Variants in ZNF578 observed in about 807,000 individuals in gnomAD.
ZNF578 encodes the protein zinc finger protein 578, also known as Putative chemokine-related protein B42.
ZNF578 carries 8 observed loss-of-function variants against 8.3 expected under a neutral mutation model. The ratio of observed to expected loss-of-function variants is 0.96; its 90% CI spans 0.56 to 1.74. The LOEUF (loss-of-function observed/expected upper bound fraction) is 1.74, where lower values mean the gene tolerates loss of function less well. ZNF578 is among the 40% of genes most tolerant of loss of function. The pLI is 0.00. For missense variants in ZNF578, 726 were observed against 707.5 expected (o/e 1.03, Z -0.30); for synonymous variants, 206 against 232.2 (o/e 0.89, Z 1.03).
rs1048107140 is a variant in ZNF578, at chr19:52,513,597, G to A, written c.*1443G>A. 6.6e-6 allele frequency among the ~76,000 whole-genome samples: 1 copy of A among 151,842 alleles called. No homozygotes were observed. Among genetic ancestry groups the A allele is most frequent in the African/African-American group, 2.4e-5 (1 of 41,362 alleles). ...TACAAAAACTTAGCCGGGCATGGTG[G>A]TGGGCACCTGTAGTCTCAGCTACTC... On this transcript the variant is annotated 3_prime_UTR_variant, in exon 6 of 6. Coordinates refer to ENST00000421239, the MANE Select transcript of ZNF578 (RefSeq NM_001099694.2).
chr19:52,499,950 G>C (rs1481484046), intron 3 of ZNF578, among the ~76,000 whole-genome samples: 1 of 152,062 alleles, frequency 6.6e-6, no homozygotes, highest in Non-Finnish European at 1.5e-5. Flanking sequence ...CTCTTCCACT[G>C]TTCCAGCCCC....
At position 52,510,647 on chromosome 19, in the gene ZNF578, T is replaced by C. The variant is rs778757244; in HGVS notation, c.266T>C (p.Met89Thr). 1.2e-6 allele frequency: 2 copies of C among 1,610,582 alleles called. No homozygotes were observed. Among genetic ancestry groups the C allele is most frequent in the African/African-American group, 2.7e-5 (2 of 74,720 alleles). ...AATACAGAAGTGATCCACACAGGGA[T>C]GTTGCAAAGACATGAAAGTTATCAC... ...QGNTEVIHTGMLQRHESYHTG... is the reference protein window; with the variant it reads ...QGNTEVIHTGTLQRHESYHTG... The change falls in exon 6 of 6, where the codon ATG (methionine) becomes ACG (threonine). Residue 89 changes from methionine (M) to threonine (T), a missense_variant. Physicochemically the swap from Met to Thr is moderately conservative, Grantham distance 81. Transcript: ENST00000421239.
chr19:52,474,480 C>T (rs555405839), intron 2 of ZNF578: 2 of 317,094 alleles, frequency 6.3e-6, no homozygotes, highest in South Asian at 6.2e-5. Flanking sequence ...TGTAAGGCTT[C>T]TCTCCAGTAT....
At chr19:52,499,632 A>T (rs2059399335) in intron 3 of ZNF578, among the ~76,000 whole-genome samples, 1 of 152,074 alleles carries the variant, frequency 6.6e-6, no homozygotes, top group Admixed American at 6.6e-5. Context: ...TTTATAATAC[A>T]TAGAGAAACG....
chr19:52,460,056 G>A (rs2122764437), intron 2 of ZNF578, among the ~76,000 whole-genome samples: 1 of 151,200 alleles, frequency 6.6e-6, no homozygotes, highest in Non-Finnish European at 1.5e-5. Flanking sequence ...TAGCCACCGT[G>A]CCTGGCCAGA....
intron 2 of ZNF578, among the ~76,000 whole-genome samples, chr19:52,482,030 G>GC: frequency 6.6e-6 from 1 of 151,796 alleles, no homozygotes; most frequent in East Asian, 2.0e-4. Flanking sequence ...ACCACATCTG[G>GC]CCTACATAGA....
rs558993052 is a variant in ZNF578, at chr19:52,466,420, T to C, written c.-122+9462T>C. Among the ~76,000 whole-genome samples, 68 of 152,346 alleles carry C rather than the reference T, an allele frequency of 4.5e-4. 2 individuals carry two copies. The South Asian group carries it at 0.013, about 30-fold the overall frequency. ...GGAGGCTTTCCTCCTCAGAGGCCTC[T>C]TGTGGCTTTCTGCAACTTATTGTCC... On this transcript the variant is annotated intron_variant, in intron 2 of 5. Coordinates refer to ENST00000421239, the MANE Select transcript of ZNF578 (RefSeq NM_001099694.2).
chr19:52,469,153 A>G (rs1568456649), intron 2 of ZNF578, among the ~76,000 whole-genome samples: 1 of 122,220 alleles, frequency 8.2e-6, no homozygotes, highest in South Asian at 2.8e-4. Context: ...TGGTACCTGG[A>G]GTGGTTTTTT....
chr19:52,465,560 C>T (rs1216417408), intron 2 of ZNF578, among the ~76,000 whole-genome samples: 1 of 152,158 alleles, frequency 6.6e-6, no homozygotes, highest in Non-Finnish European at 1.5e-5. Flanking sequence ...AAGGAATTTC[C>T]TTTCCTTCTC....
At chr19:52,485,336 G>T (rs1414799522) in intron 2 of ZNF578, among the ~76,000 whole-genome samples, 1 of 152,208 alleles carries the variant, frequency 6.6e-6, no homozygotes, top group Non-Finnish European at 1.5e-5. Context: ...TCACATTAGA[G>T]TGCAGAGCAT....
rs551281261 is a variant in ZNF578, at chr19:52,501,867, C to T, written c.22C>T (p.Gln8Ter). ...ACTCATGTTACATGAGGAAGCAGCTCAGAAGAGGAAAGGAAAGGAGCCAGG... is the reference window on the plus strand; with the variant it reads ...ACTCATGTTACATGAGGAAGCAGCTTAGAAGAGGAAAGGAAAGGAGCCAGG... MLHEEAA[Q>*]KRKGKEPGMA... The change falls in exon 4 of 6, where the codon CAG becomes TAG. Residue 8 changes from glutamine (Q) to a stop codon, truncating the protein, a stop_gained. Coordinates refer to ENST00000421239, the MANE Select transcript of ZNF578 (RefSeq NM_001099694.2). LOFTEE classifies it high-confidence loss of function. 1.2e-6 allele frequency: 2 copies of T among 1,613,552 alleles called. No individual in the cohort carries two copies. Among genetic ancestry groups the T allele is most frequent in the South Asian group, 2.2e-5 (2 of 91,064 alleles).
At chr19:52,471,076 T>G (rs997530535) in intron 2 of ZNF578, among the ~76,000 whole-genome samples, 1 of 152,202 alleles carries the variant, frequency 6.6e-6, no homozygotes, top group Admixed American at 6.5e-5. Context: ...CTGCTCTTAC[T>G]TCACCTTCCT....
Position 52,493,630 on chromosome 19 carries a change from C to G in ZNF578, c.-20+2205C>G, listed in dbSNP as rs532947693. Among the ~76,000 whole-genome samples, 10 of 151,904 alleles carry G rather than the reference C, an allele frequency of 6.6e-5. No individual in the cohort carries two copies. The South Asian group carries it at 8.3e-4, about 13-fold the overall frequency. On this transcript the variant is annotated intron_variant, in intron 3 of 5. Coordinates refer to ENST00000421239, the MANE Select transcript of ZNF578 (RefSeq NM_001099694.2). ...TTTAACAGGGAGAGCAGAGGAGACG[C>G]AGAGATAAGAGGCGGTAATATATAG...
At chr19:52,501,767 T>C in intron 3 of ZNF578, 60 bp from the exon 4 acceptor site, 1 of 1,551,764 alleles carries the variant, frequency 6.4e-7, no homozygotes. Context: ...CCTGTGTTTT[T>C]ATCACAGGAA....
chr19:52,515,171 G>T lies in ZNF578; in HGVS notation c.*3017G>T, dbSNP rs909867191. ...GTAGAGACAGGGTTTCATCATGTTG[G>T]CAGGCTGGTCTTGAACTCCTGACTT... On this transcript the variant is annotated 3_prime_UTR_variant, in exon 6 of 6. Transcript: ENST00000421239. Among the ~76,000 whole-genome samples the T allele has an allele frequency of 5.7e-4, 86 of 151,812 alleles. No homozygotes were observed. Among genetic ancestry groups the T allele is most frequent in the African/African-American group, 2.0e-3 (83 of 41,388 alleles).
intron 3 of ZNF578, among the ~76,000 whole-genome samples, chr19:52,496,491 A>G (rs8102408): frequency 0.14 from 17,707 of 128,024 alleles, 1,894 homozygotes; most frequent in Non-Finnish European, 0.16. Flanking sequence ...CACCGCGCCC[A>G]GCTAATTTTT....
At chr19:52,493,223 G>T (rs2059372795) in intron 3 of ZNF578, among the ~76,000 whole-genome samples, 1 of 152,098 alleles carries the variant, frequency 6.6e-6, no homozygotes, top group South Asian at 2.1e-4. Context: ...ACAGCGCCCC[G>T]GGCCCAGTCC....
At chr19:52,471,261 T>A (rs28505785) in intron 2 of ZNF578, among the ~76,000 whole-genome samples, 1 of 152,336 alleles carries the variant, frequency 6.6e-6, no homozygotes, top group East Asian at 1.9e-4. Flanking sequence ...GCTGTAATAC[T>A]GTTGGCTTCC....
In ZNF578 at chr19:52,511,246, T is replaced by G; in HGVS notation, c.865T>G (p.Cys289Gly). 1 of 1,614,178 alleles carries G rather than the reference T, an allele frequency of 6.2e-7. No homozygotes were observed. The highest frequency in any genetic ancestry group is 1.1e-5 in the South Asian group (1 of 91,044). The part of the protein sequence containing the change: ...RCHTSEKPYK[C>G]NECGKSFSYK... ...TCACACTAGTGAGAAACCTTACAAG[T>G]GTAATGAATGTGGAAAGTCCTTCAG... is the stretch of plus-strand genomic sequence containing the variant. Residue 289 changes from cysteine to glycine, a missense_variant, in exon 6 of 6, where the codon TGT becomes GGT. By Grantham distance (159) the Cys-to-Gly change is radical (BLOSUM62 -3). Coordinates refer to ENST00000421239, the MANE Select transcript of ZNF578 (RefSeq NM_001099694.2).
Sources: gnomAD v4.1 joint callset for allele counts (sites outside exome capture counted in the v4.1 genomes callset) on GRCh38, gnomAD v4.1.1 for gene constraint, MANE v1.5 for transcripts, NCBI Gene and HGNC (gene_info 2026-07-23, HGNC 2026-07-21) for gene names.